Variants in BICD1 observed in about 807,000 individuals in gnomAD.
The protein encoded by BICD1 is protein bicaudal D homolog 1.
In BICD1, 35 loss-of-function variants were observed where a neutral mutation model predicts 92.5. That is an observed-to-expected ratio of 0.38 (90% CI 0.29 to 0.50). The LOEUF (loss-of-function observed/expected upper bound fraction) is 0.50, where lower values mean the gene tolerates loss of function less well. Ranked by LOEUF, BICD1 falls within the 20% of genes least tolerant of loss-of-function variation. The pLI is 0.93. For missense variants in BICD1, 950 were observed against 1,189.8 expected (o/e 0.80, Z 2.97); for synonymous variants, 429 against 465.1 (o/e 0.92, Z 1.00).
intron 1 of BICD1, among the ~76,000 whole-genome samples, chr12:32,214,348 T>C (rs769681648): frequency 3.9e-5 from 6 of 152,188 alleles, no homozygotes; most frequent in Non-Finnish European, 5.9e-5. Flanking sequence ...TTCTAGGCCC[T>C]CTCAGCTTAC....
intron 1 of BICD1, among the ~76,000 whole-genome samples, chr12:32,163,028 A>T (rs1943644766): frequency 6.7e-6 from 1 of 149,350 alleles, no homozygotes; most frequent in Non-Finnish European, 1.5e-5. Context: ...ATAATTTTAA[A>T]TTATGGTTTT....
At chr12:32,108,008 G>A in intron 1 of BICD1, 1 of 359,130 alleles carries the variant, frequency 2.8e-6, no homozygotes, top group Non-Finnish European at 5.3e-6. Context: ...CCACTCCTTG[G>A]TGAGAGAGGG....
Position 32,328,685 on chromosome 12 carries a change from G to A in BICD1, c.2100+130G>A, listed in dbSNP as rs1196235752. 1.6e-6 allele frequency: 2 copies of A among 1,242,946 alleles called. No homozygotes were observed. The highest frequency in any genetic ancestry group is 1.5e-5 in the African/African-American group (1 of 66,222). 77.0% of individuals were successfully genotyped at this position (1,242,946 alleles called of 1,614,324 possible). The stretch of plus-strand genomic sequence containing the variant: ...TCTTGGTAAGTGGATAAATAAAACT[G>A]TCCCAGTGCCAGATCAGAATGTCAT... On this transcript the variant is annotated intron_variant, in intron 5 of 9. Coordinates refer to ENST00000652176, the MANE Select transcript of BICD1 (RefSeq NM_001714.4). The surrounding 1 kb of genome is among the most constrained non-coding windows in gnomAD (Gnocchi z 4.4).
In BICD1 at chr12:32,257,211, C is replaced by CAAAAAAA. The variant is rs35294412; in HGVS notation, c.427-36765_427-36759dup. ...CTGGTGACAGAGGGAGACTCTGTCT[C>CAAAAAAA]AAAAAAAAAAAAAAAAAAAAAAAAT... On this transcript the variant is annotated intron_variant, in intron 2 of 9. Transcript: ENST00000652176. Among the ~76,000 whole-genome samples the CAAAAAAA allele has an allele frequency of 4.5e-3, 350 of 78,232 alleles. 6 individuals are homozygous for CAAAAAAA. Among genetic ancestry groups the CAAAAAAA allele is most frequent in the East Asian group, 0.017 (40 of 2,292 alleles). 51.3% of individuals were successfully genotyped at this position (78,232 alleles called of 152,430 possible). A position where few individuals can be genotyped will look rare whatever the true frequency, so the allele number is the denominator to read the frequency against.
intron 1 of BICD1, among the ~76,000 whole-genome samples, chr12:32,158,827 T>C (rs959548739): frequency 1.3e-5 from 2 of 152,338 alleles, no homozygotes; most frequent in South Asian, 4.1e-4. Flanking sequence ...TTTGTTTTCC[T>C]AGGGCCTTGC....
At chr12:32,244,290 C>T (rs1012727790) in intron 2 of BICD1, among the ~76,000 whole-genome samples, 1 of 152,108 alleles carries the variant, frequency 6.6e-6, no homozygotes, top group Non-Finnish European at 1.5e-5. Context: ...TTCTTGAGGA[C>T]CATTTGACCC....
chr12:32,217,547 C>T (rs1945396819), intron 2 of BICD1, among the ~76,000 whole-genome samples: 1 of 152,112 alleles, frequency 6.6e-6, no homozygotes, highest in African/African-American at 2.4e-5. Flanking sequence ...TTACTTATCT[C>T]GTTATCTTTG....
chr12:32,324,792 C>G (rs11051935), intron 4 of BICD1, among the ~76,000 whole-genome samples: 34,391 of 151,768 alleles, frequency 0.23, 4,304 homozygotes, highest in East Asian at 0.59. Context: ...CTTGGCCAGG[C>G]TGGTCTTGAA....
intron 3 of BICD1, among the ~76,000 whole-genome samples, chr12:32,304,845 G>A (rs996834557): frequency 5.3e-5 from 8 of 151,628 alleles, no homozygotes; most frequent in Admixed American, 2.0e-4. Context: ...CAGTGAGACC[G>A]TCTCTACAAG....
chr12:32,164,928 G>A (rs992591388), intron 1 of BICD1, among the ~76,000 whole-genome samples: 13 of 152,146 alleles, frequency 8.5e-5, no homozygotes, highest in Non-Finnish European at 1.6e-4. Context: ...TGCGCATCCT[G>A]ACAGCACGGG....
At chr12:32,363,697 G>A (rs1281625079) in intron 8 of BICD1, among the ~76,000 whole-genome samples, 5 of 152,096 alleles carry the variant, frequency 3.3e-5, no homozygotes, top group African/African-American at 4.8e-5. Flanking sequence ...GTTAGATTCA[G>A]TCTAATTTAA....
At chr12:32,143,447 C>A (rs1053951982) in intron 1 of BICD1, among the ~76,000 whole-genome samples, 1 of 152,022 alleles carries the variant, frequency 6.6e-6, no homozygotes, top group African/African-American at 2.4e-5. Flanking sequence ...CTTTTTCTTT[C>A]ATTTAACATT....
chr12:32,200,839 CAA>C (rs1471663926), intron 1 of BICD1, among the ~76,000 whole-genome samples: 3 of 152,252 alleles, frequency 2.0e-5, no homozygotes, highest in Admixed American at 1.3e-4. Flanking sequence ...AAGGCACATT[CAA>C]AAGATACGGT....
At chr12:32,276,419 G>A (rs538439681) in intron 2 of BICD1, among the ~76,000 whole-genome samples, 24 of 152,274 alleles carry the variant, frequency 1.6e-4, no homozygotes, top group African/African-American at 2.2e-4. Context: ...GAAGGTGACC[G>A]CATCCACCTT....
chr12:32,182,890 CT>C (rs34809684), intron 1 of BICD1, among the ~76,000 whole-genome samples: 151 of 63,852 alleles, frequency 2.4e-3, no homozygotes, highest in African/African-American at 5.0e-3. Flanking sequence ...TTCTTTCTTT[CT>C]TTTTTTTTTT....
At chr12:32,186,319 A>G (rs1220544006) in intron 1 of BICD1, among the ~76,000 whole-genome samples, 1 of 152,222 alleles carries the variant, frequency 6.6e-6, no homozygotes, top group Non-Finnish European at 1.5e-5. Flanking sequence ...CTATAAAAAT[A>G]TAAGTATATG....
chr12:32,174,045 T>G (rs1221196934), intron 1 of BICD1, among the ~76,000 whole-genome samples: 1 of 152,226 alleles, frequency 6.6e-6, no homozygotes, highest in Non-Finnish European at 1.5e-5. Context: ...AAAGCTGTCA[T>G]CACATTTCTG....
intron 1 of BICD1, among the ~76,000 whole-genome samples, chr12:32,191,356 A>T (rs1338955511): frequency 6.6e-6 from 1 of 151,960 alleles, no homozygotes; most frequent in East Asian, 1.9e-4. Context: ...AATAAATGAA[A>T]TTATAAATGA....
In BICD1 at chr12:32,327,466, G is replaced by A; in HGVS notation, c.1011G>A (p.Glu337=). ...QKLKQQLMQV[E]REKAILLANL... ...ACTTTCTTTTGCCATTGCAGGTAGAGCGGGAAAAGGCCATTCTTTTGGCCA... is the reference window on the plus strand; with the variant it reads ...ACTTTCTTTTGCCATTGCAGGTAGAACGGGAAAAGGCCATTCTTTTGGCCA... The change falls in exon 5 of 10, where the codon GAG becomes GAA. Residue 337 remains glutamate (E), a synonymous_variant. Coordinates refer to ENST00000652176, the MANE Select transcript of BICD1 (RefSeq NM_001714.4). 6.3e-7 allele frequency: 1 copy of A among 1,595,800 alleles called. No homozygotes were observed. The highest frequency in any genetic ancestry group is 8.6e-7 in the Non-Finnish European group (1 of 1,168,964).
Sources: allele counts gnomAD v4.1 joint callset (sites outside exome capture counted in the v4.1 genomes callset), GRCh38; gene constraint gnomAD v4.1.1; non-coding constraint Gnocchi (gnomAD v3.1); transcripts MANE v1.5; gene names NCBI Gene and HGNC (gene_info 2026-07-23, HGNC 2026-07-21).